USP9Y: variants seen among roughly 807,000 people sequenced by gnomAD.
USP9Y encodes ubiquitin carboxyl-terminal hydrolase 9Y.
Under a neutral mutation model 53.1 loss-of-function variants are expected in USP9Y, and 41 were observed. The observed-to-expected ratio is 0.77, with a 90% CI of 0.60 to 1.00. The LOEUF is 1.00. Ranked by LOEUF, USP9Y falls within the 50% of genes least tolerant of loss-of-function variation. The pLI is 0.00. For synonymous variants in USP9Y, 220 were observed against 173.7 expected (o/e 1.27, Z -2.09); for missense variants, 567 against 535.8 (o/e 1.06, Z -0.58).
intron 26 of USP9Y, 67 bp from the exon 27 acceptor site, chrY:12,792,965 C>T: frequency 2.9e-6 from 1 of 349,490 alleles, no homozygotes; most frequent in African/African-American, 6.5e-5. Context: ...AAATGTTAAC[C>T]AGAGGGTTTG....
At chrY:12,848,419 C>T in intron 42 of USP9Y, among the ~76,000 whole-genome samples, 3 of 32,908 alleles carry the variant, frequency 9.1e-5, no homozygotes, top group African/African-American at 3.6e-4. Flanking sequence ...CTGTAGGTTG[C>T]CTGTTCACTA....
intron 33 of USP9Y, among the ~76,000 whole-genome samples, chrY:12,820,980 C>T: frequency 8.9e-5 from 3 of 33,821 alleles, no homozygotes; most frequent in African/African-American, 3.4e-4. Flanking sequence ...GTTACACAAA[C>T]TGTAGACACA....
intron 15 of USP9Y, among the ~76,000 whole-genome samples, chrY:12,762,568 AAGTTTATAT>A (rs2053476467): frequency 3.0e-5 from 1 of 33,875 alleles, no homozygotes; most frequent in Non-Finnish European, 7.3e-5. Context: ...AACTGCTATA[AAGTTTATAT>A]AGTTAAATAC....
chrY:12,735,070 CAAAAAAAAAAAA>C (rs763856999), intron 7 of USP9Y, among the ~76,000 whole-genome samples: 1 of 5,577 alleles, frequency 1.8e-4, no homozygotes, highest in East Asian at 4.1e-3. Flanking sequence ...ACTCCGTCTC[CAAAAAAAAAAAA>C]AAAAAAAAGA....
chrY:12,779,698 A>G, intron 22 of USP9Y, 52 bp downstream of exon 22: 1 of 356,450 alleles, frequency 2.8e-6, no homozygotes, highest in Non-Finnish European at 4.1e-6. Context: ...TCATAACTAC[A>G]TGATGGATGA....
At chrY:12,763,417 T>G in intron 15 of USP9Y, among the ~76,000 whole-genome samples, 1 of 33,038 alleles carries the variant, frequency 3.0e-5, no homozygotes. Context: ...TCCTGATTTC[T>G]GAATAAAATT....
intron 13 of USP9Y, 88 bp downstream of exon 13, chrY:12,757,486 AT>A: frequency 3.9e-6 from 1 of 256,436 alleles, no homozygotes; most frequent in South Asian, 3.5e-5. Flanking sequence ...TTTTTCTATC[AT>A]TTTATTTATT....
chrY:12,830,552 A>T, intron 33 of USP9Y, among the ~76,000 whole-genome samples: 1 of 33,817 alleles, frequency 3.0e-5, no homozygotes, highest in Non-Finnish European at 7.3e-5. Context: ...GCCTTTCATG[A>T]TAAAAACATG....
rs769357860 is a variant in USP9Y at position 12,859,606 on chromosome Y, G to A, written c.*190G>A. On this transcript the variant is annotated 3_prime_UTR_variant, in exon 46 of 46. Coordinates refer to ENST00000338981, the MANE Select transcript of USP9Y (RefSeq NM_004654.4). ...GTATAAGACACATGCAGGGTGAAGT[G>A]TACAGAGTTTTGTAACAAATGACTG... 7.5e-6 allele frequency: 1 copy of A among 133,940 alleles called. No individual in the cohort carries two copies. Among genetic ancestry groups the A allele is most frequent in the East Asian group, 1.5e-4 (1 of 6,838 alleles). The allele number at this position is 133,940 out of a possible 400,897, so 33.4% of individuals were successfully genotyped here. A position where few individuals can be genotyped will look rare whatever the true frequency, so the allele number is the denominator to read the frequency against.
At chrY:12,723,394 AT>A (rs1603196153) in intron 5 of USP9Y, among the ~76,000 whole-genome samples, 1 of 22,885 alleles carries the variant, frequency 4.4e-5, no homozygotes, top group Non-Finnish European at 1.0e-4. Flanking sequence ...ATTTTATTTT[AT>A]TTTTTTTTTT....
At position 12,736,448 on chromosome Y, in the gene USP9Y, G is replaced by A; in HGVS notation, c.1063G>A (p.Ala355Thr). ...TTCCTCTTTTAATGGAAAGATGAATGCACTGAATGAAATAAATAAGGTTAT... is the reference window on the plus strand; with the variant it reads ...TTCCTCTTTTAATGGAAAGATGAATACACTGAATGAAATAAATAAGGTTAT... ...QISSFNGKMN[A>T]LNEINKVISS... Residue 355 changes from alanine to threonine, a missense_variant, in exon 10 of 46, where the codon GCA becomes ACA. Ala to Thr is a moderately conservative substitution (Grantham distance 58, BLOSUM62 0). Coordinates refer to ENST00000338981, the MANE Select transcript of USP9Y (RefSeq NM_004654.4). 2.6e-6 allele frequency: 1 copy of A among 391,951 alleles called. No individual in the cohort carries two copies. Among genetic ancestry groups the A allele is most frequent in the Non-Finnish European group, 3.6e-6 (1 of 278,202 alleles).
chrY:12,802,156 A>G, intron 27 of USP9Y: 1 of 34,324 alleles, frequency 2.9e-5, no homozygotes, highest in African/African-American at 1.2e-4. Context: ...CAAGCTCCTT[A>G]ATTTGAACCA....
In USP9Y at chrY:12,701,706, T is replaced by C. The variant is rs964259582; in HGVS notation, c.-470T>C. 1 of 33,838 alleles carries C rather than the reference T, an allele frequency of 3.0e-5. No homozygotes were observed. The highest frequency in any genetic ancestry group is 1.2e-4 in the African/African-American group (1 of 8,656). The allele number at this position is 33,838 out of a possible 400,897, so 8.4% of individuals were successfully genotyped here. On this transcript the variant is annotated 5_prime_UTR_variant, in exon 1 of 46. Coordinates refer to ENST00000338981, the MANE Select transcript of USP9Y (RefSeq NM_004654.4). ...AAGAAAATCATAGTTTGAGGTAGAATACTGTTTGCTGGTCTTAAAAACTGT... is the reference window on the plus strand; with the variant it reads ...AAGAAAATCATAGTTTGAGGTAGAACACTGTTTGCTGGTCTTAAAAACTGT...
chrY:12,736,622 A>G, intron 10 of USP9Y, 73 bp downstream of exon 10: 1 of 295,882 alleles, frequency 3.4e-6, no homozygotes, highest in South Asian at 3.7e-5. Context: ...AATTATTGTT[A>G]GAAGCAACAA....
At chrY:12,765,809 A>G in intron 15 of USP9Y, among the ~76,000 whole-genome samples, 1 of 33,652 alleles carries the variant, frequency 3.0e-5, no homozygotes, top group African/African-American at 1.2e-4. Context: ...CAGCACCTGT[A>G]TTATGGAAGT....
At chrY:12,817,178 GA>G (rs2053537318) in intron 32 of USP9Y, among the ~76,000 whole-genome samples, 1 of 33,814 alleles carries the variant, frequency 3.0e-5, no homozygotes, top group Non-Finnish European at 7.4e-5. Context: ...AGAATCACTT[GA>G]ACTCAGGAGG....
chrY:12,774,521 T>G (rs2148285479), intron 17 of USP9Y, among the ~76,000 whole-genome samples: 2 of 31,924 alleles, frequency 6.3e-5, no homozygotes, highest in Admixed American at 2.9e-4. Context: ...TGACTACATC[T>G]TCTATTCTCC....
intron 16 of USP9Y, among the ~76,000 whole-genome samples, chrY:12,772,374 G>A: frequency 3.1e-5 from 1 of 32,505 alleles, no homozygotes; most frequent in African/African-American, 1.2e-4. Flanking sequence ...TGGATCTCTT[G>A]TTGCTCATTT....
Position 12,860,233 on chromosome Y carries a change from A to G in USP9Y, c.*817A>G, listed in dbSNP as rs2053582823. On this transcript the variant is annotated 3_prime_UTR_variant, in exon 46 of 46. Coordinates refer to ENST00000338981, the MANE Select transcript of USP9Y (RefSeq NM_004654.4). ...TTCACATTTAATGTTTGATAGTTCA[A>G]TTTCTTGAGCTGAAGAATATCAAAG... 1 of 33,726 alleles carries G rather than the reference A, an allele frequency of 3.0e-5. No homozygotes were observed. Among genetic ancestry groups the G allele is most frequent in the African/African-American group, 1.1e-4 (1 of 8,699 alleles). 8.4% of individuals were successfully genotyped at this position (33,726 alleles called of 400,897 possible).
Sources: allele counts gnomAD v4.1 joint callset (sites outside exome capture counted in the v4.1 genomes callset), GRCh38; gene constraint gnomAD v4.1.1; transcripts MANE v1.5; gene names NCBI Gene and HGNC (gene_info 2026-07-23, HGNC 2026-07-21).